Variants in PRDM11 observed in about 807,000 individuals in gnomAD.
PRDM11 encodes the protein PR/SET domain 11, also known as PR domain-containing protein 11.
PRDM11 carries 20 observed loss-of-function variants against 97.8 expected under a neutral mutation model. The observed-to-expected ratio is 0.20, with a 90% CI of 0.14 to 0.30. The LOEUF is 0.30. Ranked by LOEUF, PRDM11 falls within the 10% of genes least tolerant of loss-of-function variation. The probability of loss-of-function intolerance (pLI) is 1.00; values close to 1 mark genes in which losing one functional copy is unlikely to be tolerated. For synonymous variants in PRDM11, 599 were observed against 637.7 expected (o/e 0.94, Z 0.91); for missense variants, 1,139 against 1,555.2 (o/e 0.73, Z 4.50).
rs1854450352 is a variant in PRDM11, at chr11:45,233,922, ACAG to A, written c.*5764_*5766del. On this transcript the variant is annotated 3_prime_UTR_variant, in exon 8 of 8. Transcript: ENST00000683152. ...AGGACAACGCTGTTCCCCCTCCCTC[ACAG>A]AGGCCCCGTGGCCCCTACCCCACTC... The A allele has an allele frequency of 6.6e-6, 1 of 152,026 alleles. No individual in the cohort carries two copies. The highest frequency in any genetic ancestry group is 1.5e-5 in the Non-Finnish European group (1 of 68,052). The allele number at this position is 152,026 out of a possible 1,614,324, so 9.4% of individuals were successfully genotyped here. A position where few individuals can be genotyped will look rare whatever the true frequency, so the allele number is the denominator to read the frequency against.
At chr11:45,095,461 G>A (rs979094477), upstream of PRDM11, among the ~76,000 whole-genome samples, 4 of 152,208 alleles carry the variant, frequency 2.6e-5, no homozygotes, top group Non-Finnish European at 5.9e-5. Flanking sequence ...TGGGGAGTCA[G>A]GACGTGGGGT....
chr11:45,116,810 T>G (rs1018659216), intron 1 of PRDM11, among the ~76,000 whole-genome samples: 3 of 152,144 alleles, frequency 2.0e-5, no homozygotes, highest in Non-Finnish European at 4.4e-5. Flanking sequence ...GAAGGAAATA[T>G]ATGACATGAG....
At position 45,234,964 on chromosome 11, in the gene PRDM11, G is replaced by A. The variant is rs1174820408; in HGVS notation, c.*6805G>A. On this transcript the variant is annotated 3_prime_UTR_variant, in exon 8 of 8. Coordinates refer to ENST00000683152, the MANE Select transcript of PRDM11 (RefSeq NM_001384648.1). The stretch of plus-strand genomic sequence containing the variant: ...TTGATGTTATTATTTTGCAGACTAC[G>A]CTTTATAGTACCTGTGTGACGGGAC... 6.6e-6 allele frequency: 1 copy of A among 152,078 alleles called. No individual in the cohort carries two copies. Among genetic ancestry groups the A allele is most frequent in the African/African-American group, 2.4e-5 (1 of 41,398 alleles). The allele number at this position is 152,078 out of a possible 1,614,324, so 9.4% of individuals were successfully genotyped here. A position where few individuals can be genotyped will look rare whatever the true frequency, so the allele number is the denominator to read the frequency against.
chr11:45,107,941 T>C (rs559738567), intron 1 of PRDM11, among the ~76,000 whole-genome samples: 30 of 152,060 alleles, frequency 2.0e-4, no homozygotes, highest in African/African-American at 7.0e-4. Flanking sequence ...GTGATTCTCA[T>C]GTCTCAGCCT....
chr11:45,136,875 GC>G, intron 1 of PRDM11, among the ~76,000 whole-genome samples: 1 of 151,890 alleles, frequency 6.6e-6, no homozygotes, highest in East Asian at 1.9e-4. Context: ...GGGCACAGAG[GC>G]TCCTGCCTGT....
chr11:45,199,348 G>A (rs1044410348), intron 4 of PRDM11, among the ~76,000 whole-genome samples: 1 of 152,172 alleles, frequency 6.6e-6, no homozygotes, highest in African/African-American at 2.4e-5. Flanking sequence ...GGACTCTTCT[G>A]CATGTTAGAC....
intron 1 of PRDM11, among the ~76,000 whole-genome samples, chr11:45,153,357 G>A (rs1241702702): frequency 6.6e-6 from 1 of 152,264 alleles, no homozygotes; most frequent in Admixed American, 6.5e-5. Context: ...AGATAGCGGT[G>A]AGATCTGAGC....
chr11:45,137,697 G>T (rs1016301357), intron 1 of PRDM11, among the ~76,000 whole-genome samples: 1 of 152,190 alleles, frequency 6.6e-6, no homozygotes, highest in African/African-American at 2.4e-5. Context: ...GAGCTGAGAT[G>T]GTGCAACTGA....
At chr11:45,182,192 C>A (rs1335692067) in intron 2 of PRDM11, 54 bp from the exon 3 acceptor site, 2 of 1,517,860 alleles carry the variant, frequency 1.3e-6, no homozygotes, top group African/African-American at 2.7e-5. Flanking sequence ...CCCCACTGGG[C>A]TCTCACTCTC....
chr11:45,193,445 A>G (rs114966982), intron 4 of PRDM11, among the ~76,000 whole-genome samples: 18 of 152,336 alleles, frequency 1.2e-4, no homozygotes, highest in African/African-American at 3.8e-4. Context: ...TGTTCTCTGT[A>G]AAGGGCTAGA....
intron 1 of PRDM11, among the ~76,000 whole-genome samples, chr11:45,128,780 TA>T (rs1284403083): frequency 6.6e-6 from 1 of 151,680 alleles, no homozygotes; most frequent in Non-Finnish European, 1.5e-5. Flanking sequence ...AAAAGAGAAA[TA>T]AAAAACACCT....
Position 45,226,418 on chromosome 11 carries a change from A to T in PRDM11, c.1793A>T (p.His598Leu). 6.5e-7 allele frequency: 1 copy of T among 1,533,900 alleles called. No homozygotes were observed. Among genetic ancestry groups the T allele is most frequent in the Non-Finnish European group, 8.7e-7 (1 of 1,146,724 alleles). ...ACCCTGCTCTTCAACACCGCCTACC[A>T]CCTGGCCTTGGAGGGCAGGCCCTAC... ...NMTLLFNTAY[H>L]LALEGRPYLD... The change falls in exon 8 of 8, where the codon CAC becomes CTC. Residue 598 changes from histidine to leucine, a missense_variant. By Grantham distance (99) the His-to-Leu change is moderately conservative. Transcript: ENST00000683152.
chr11:45,176,211 T>TA (rs1261217561), intron 1 of PRDM11, among the ~76,000 whole-genome samples: 4 of 151,826 alleles, frequency 2.6e-5, no homozygotes, highest in African/African-American at 7.3e-5. Context: ...CTGTCTCTAC[T>TA]AAAAAAATAC....
At chr11:45,100,423 CTCT>C (rs1851952859) in intron 1 of PRDM11, among the ~76,000 whole-genome samples, 1 of 152,212 alleles carries the variant, frequency 6.6e-6, no homozygotes, top group Non-Finnish European at 1.5e-5. Context: ...ACACAAATGG[CTCT>C]TCATTTTCAG....
intron 1 of PRDM11, among the ~76,000 whole-genome samples, chr11:45,133,839 G>A (rs1312656207): frequency 6.6e-6 from 1 of 152,132 alleles, no homozygotes; most frequent in African/African-American, 2.4e-5. Context: ...CCAGCTCACG[G>A]GTCTCATTTG....
chr11:45,122,162 A>T (rs1284740279), intron 1 of PRDM11, among the ~76,000 whole-genome samples: 2 of 150,650 alleles, frequency 1.3e-5, no homozygotes, highest in African/African-American at 4.9e-5. Flanking sequence ...AAATGTATAA[A>T]CCCCTACTAA....
At chr11:45,157,664 C>T (rs898471122) in intron 1 of PRDM11, among the ~76,000 whole-genome samples, 2 of 152,234 alleles carry the variant, frequency 1.3e-5, no homozygotes, top group African/African-American at 2.4e-5. Flanking sequence ...TCCCCTGAGT[C>T]GGTCCTGGCT....
At chr11:45,215,070 G>T (rs971727342) in intron 5 of PRDM11, among the ~76,000 whole-genome samples, 1 of 152,320 alleles carries the variant, frequency 6.6e-6, no homozygotes, top group East Asian at 1.9e-4. Flanking sequence ...AACAATCACC[G>T]TTTCGGACAG....
At chr11:45,213,645 C>T in intron 5 of PRDM11, 1 of 456,436 alleles carries the variant, frequency 2.2e-6, no homozygotes, top group South Asian at 1.5e-5. Flanking sequence ...GTCTTGCATT[C>T]ATAGAGAGCA....
Sources: allele counts gnomAD v4.1 joint callset (sites outside exome capture counted in the v4.1 genomes callset), GRCh38; gene constraint gnomAD v4.1.1; transcripts MANE v1.5; gene names NCBI Gene and HGNC (gene_info 2026-07-23, HGNC 2026-07-21).